Variants in MYO5A observed in about 807,000 individuals in gnomAD.
The protein encoded by MYO5A is myosin VA, also known as unconventional myosin-Va.
MYO5A carries 98 observed loss-of-function variants against 249.7 expected under a neutral mutation model. The ratio of observed to expected loss-of-function variants is 0.39; its 90% CI spans 0.33 to 0.46. The LOEUF is 0.46. Among genes scored for constraint, MYO5A ranks in the 20% least tolerant of loss-of-function variants. MYO5A has a pLI of 0.98. For missense variants in MYO5A, 1,696 were observed against 2,308.8 expected (o/e 0.73, Z 5.44); for synonymous variants, 778 against 810.6 (o/e 0.96, Z 0.68).
chr15:52,329,801 T>A (rs191946867), intron 35 of MYO5A, among the ~76,000 whole-genome samples: 7 of 152,092 alleles, frequency 4.6e-5, no homozygotes. Flanking sequence ...TGCAGTGGTA[T>A]AATCACAGCT....
intron 1 of MYO5A, among the ~76,000 whole-genome samples, chr15:52,447,964 A>G (rs2075928691): frequency 6.6e-6 from 1 of 152,262 alleles, no homozygotes; most frequent in Admixed American, 6.5e-5. Flanking sequence ...CAGAGCCTTC[A>G]TGGAGAACCT....
chr15:52,357,836 T>G (rs2040323516), intron 25 of MYO5A, among the ~76,000 whole-genome samples: 1 of 152,172 alleles, frequency 6.6e-6, no homozygotes, highest in Non-Finnish European at 1.5e-5. Context: ...ACCCAGGGCT[T>G]TTCTAAGACA....
chr15:52,312,703 T>C lies in MYO5A; in HGVS notation c.*993A>G, dbSNP rs2037821376. The C allele has an allele frequency of 6.6e-6, 1 of 152,110 alleles. No individual in the cohort carries two copies. Among genetic ancestry groups the C allele is most frequent in the Non-Finnish European group, 1.5e-5 (1 of 68,030 alleles). 9.4% of individuals were successfully genotyped at this position (152,110 alleles called of 1,614,324 possible). A position where few individuals can be genotyped will look rare whatever the true frequency, so the allele number is the denominator to read the frequency against. On this transcript the variant is annotated 3_prime_UTR_variant, in exon 42 of 42. Transcript: ENST00000399233. Reference sequence around the variant, plus strand: ...TAAGAAGAGAGAAAACCTGTCAAGGTTGAAAATATGCACTGAAGGAATCAG... The same window carrying C: ...TAAGAAGAGAGAAAACCTGTCAAGGCTGAAAATATGCACTGAAGGAATCAG...
At chr15:52,512,064 G>A (rs575616496) in intron 1 of MYO5A, among the ~76,000 whole-genome samples, 1 of 151,920 alleles carries the variant, frequency 6.6e-6, no homozygotes, top group East Asian at 1.9e-4. Flanking sequence ...TCGTGAGGCT[G>A]AGGCAGGAGA....
Position 52,370,355 on chromosome 15 carries a change from C to T in MYO5A, c.2880G>A (p.Glu960=). The change falls in exon 22 of 42, where the codon GAG becomes GAA. Residue 960 remains glutamate, a synonymous_variant. Coordinates refer to ENST00000399233, the MANE Select transcript of MYO5A (RefSeq NM_001382347.1). The part of the protein sequence containing the change: ...LTNLEGIYNS[E]TEKLRSDLER... ...CTAAGTCACTTCGTAGTTTCTCAGT[C>T]TCAGAGTTGTATATTCCTTCCAGAT... The T allele has an allele frequency of 6.2e-7, 1 of 1,614,104 alleles. No homozygotes were observed. The highest frequency in any genetic ancestry group is 8.5e-7 in the Non-Finnish European group (1 of 1,179,982).
At position 52,307,521 on chromosome 15, in the gene MYO5A, A is replaced by G. The variant is rs2037659379; in HGVS notation, c.*6175T>C. ...CTTATTTTTAAAAATTGCACGTGAG[A>G]TATGCTAGAATGGGTTCTAGAGTCT... On this transcript the variant is annotated 3_prime_UTR_variant, in exon 42 of 42. Coordinates refer to ENST00000399233, the MANE Select transcript of MYO5A (RefSeq NM_001382347.1). 1.3e-5 allele frequency: 2 copies of G among 152,290 alleles called. No homozygotes were observed. The highest frequency in any genetic ancestry group is 3.9e-4 in the East Asian group (2 of 5,190). The allele number at this position is 152,290 out of a possible 1,614,324, so 9.4% of individuals were successfully genotyped here.
At chr15:52,510,234 A>C (rs906792106) in intron 1 of MYO5A, among the ~76,000 whole-genome samples, 2 of 152,206 alleles carry the variant, frequency 1.3e-5, no homozygotes, top group African/African-American at 2.4e-5. Context: ...GCCCCACTGA[A>C]GCCATTTTCA....
At chr15:52,504,830 A>C (rs2077233329) in intron 1 of MYO5A, among the ~76,000 whole-genome samples, 1 of 151,892 alleles carries the variant, frequency 6.6e-6, no homozygotes. Context: ...CAGAGGTTGC[A>C]GGGAGCTGAG....
At chr15:52,517,300 C>G (rs1253963255) in intron 1 of MYO5A, among the ~76,000 whole-genome samples, 3 of 152,188 alleles carry the variant, frequency 2.0e-5, no homozygotes, top group Non-Finnish European at 4.4e-5. Flanking sequence ...AAGATGCTCA[C>G]CATAACATAT....
intron 5 of MYO5A, among the ~76,000 whole-genome samples, chr15:52,413,751 T>C (rs1032465999): frequency 1.3e-5 from 2 of 152,222 alleles, no homozygotes; most frequent in Admixed American, 6.5e-5. Context: ...TTTGTAGTTA[T>C]TGAAAATTAG....
chr15:52,428,597 G>T (rs749711654), intron 2 of MYO5A, 28 bp from the exon 3 acceptor site: 4 of 1,612,302 alleles, frequency 2.5e-6, no homozygotes, highest in Non-Finnish European at 3.4e-6. Context: ...ACAGCATCTG[G>T]ATGAATTATG....
At chr15:52,336,386 C>A in intron 34 of MYO5A, 77 bp downstream of exon 34, 1 of 947,262 alleles carries the variant, frequency 1.1e-6, no homozygotes. Flanking sequence ...CTCTATTAGG[C>A]CACTTATATA....
intron 1 of MYO5A, among the ~76,000 whole-genome samples, chr15:52,463,425 AAAATGTTT>A (rs1282737326): frequency 2.6e-5 from 4 of 152,218 alleles, no homozygotes; most frequent in Non-Finnish European, 5.9e-5. Context: ...ATATAAAACT[AAAATGTTT>A]AAATATTATA....
chr15:52,462,955 G>C (rs562460856), intron 1 of MYO5A, among the ~76,000 whole-genome samples: 1 of 152,264 alleles, frequency 6.6e-6, no homozygotes, highest in Non-Finnish European at 1.5e-5. Context: ...AAGATGTTAA[G>C]TGGTATGATT....
Position 52,397,192 on chromosome 15 carries a change from T to C in MYO5A, c.1319+9A>G, listed in dbSNP as rs1360965713. The C allele has an allele frequency of 6.2e-7, 1 of 1,613,702 alleles. No homozygotes were observed. The highest frequency in any genetic ancestry group is 1.1e-5 in the South Asian group (1 of 91,070). ...TTCTCTGGCAGACCAATTAGCCAAA[T>C]ATACTCACCCGTAAATGTCTAGCAC... On this transcript the variant is annotated intron_variant, in intron 10 of 41. Transcript: ENST00000399233.
intron 16 of MYO5A, among the ~76,000 whole-genome samples, chr15:52,382,160 C>T (rs953510096): frequency 6.6e-6 from 1 of 152,182 alleles, no homozygotes; most frequent in Non-Finnish European, 1.5e-5. Flanking sequence ...ACCCTGGCCT[C>T]CCAAGTGCTG....
Position 52,389,886 on chromosome 15 carries a change from G to A in MYO5A, c.1543-523C>T, listed in dbSNP as rs149344909. 2.1e-3 allele frequency among the ~76,000 whole-genome samples: 317 copies of A among 152,146 alleles called. 2 individuals carry two copies. The highest frequency in any genetic ancestry group is 6.7e-3 in the African/African-American group (280 of 41,484). On this transcript the variant is annotated intron_variant, in intron 12 of 41. Transcript: ENST00000399233. ...GGAGAATCCCTTGAACCTGGGAGGCGGATGTTGCAGTGAGCAGAGGTCACA... is the reference window on the plus strand; with the variant it reads ...GGAGAATCCCTTGAACCTGGGAGGCAGATGTTGCAGTGAGCAGAGGTCACA...
At chr15:52,336,651 G>A (rs1008614513) in intron 33 of MYO5A, 95 bp from the exon 34 acceptor site, 27 of 991,244 alleles carry the variant, frequency 2.7e-5, no homozygotes, top group South Asian at 1.0e-4. Context: ...GAAACAACAC[G>A]TTAGTTTTAC....
Position 52,319,313 on chromosome 15 carries a change from G to T in MYO5A, c.4981C>A (p.Gln1661Lys), listed in dbSNP as rs1422500964. ...GTGGGCTTCACCCCAGACACGCCCT[G>T]AATCGTTTCATGTTCCAGCATGCCT... Reference protein sequence around the residue: ...VSGMLEHETIQGVSGVKPTGL... With the variant: ...VSGMLEHETIKGVSGVKPTGL... Residue 1661 changes from glutamine (Q) to lysine (K), a missense_variant, in exon 39 of 42, where the codon CAG becomes AAG. Transcript: ENST00000399233. The T allele has an allele frequency of 6.2e-7, 1 of 1,614,168 alleles. No homozygotes were observed. Among genetic ancestry groups the T allele is most frequent in the Non-Finnish European group, 8.5e-7 (1 of 1,180,014 alleles).
Sources: allele counts gnomAD v4.1 joint callset (sites outside exome capture counted in the v4.1 genomes callset), GRCh38; gene constraint gnomAD v4.1.1; transcripts MANE v1.5; gene names NCBI Gene and HGNC (gene_info 2026-07-23, HGNC 2026-07-21).